The following KCNB2 variants were observed in gnomAD, a reference collection of about 807,000 sequenced individuals.
The protein encoded by KCNB2 is delayed rectifier potassium channel protein.
Under a neutral mutation model 61.5 loss-of-function variants are expected in KCNB2, and 15 were observed. The observed-to-expected ratio is 0.24, with a 90% CI of 0.16 to 0.38. The LOEUF is 0.38. Ranked by LOEUF, KCNB2 falls within the 10% of genes least tolerant of loss-of-function variation. KCNB2 has a pLI of 1.00. For synonymous variants in KCNB2, 457 were observed against 446.0 expected (o/e 1.02, Z -0.31); for missense variants, 828 against 1,125.2 (o/e 0.74, Z 3.78).
intron 2 of KCNB2, among the ~76,000 whole-genome samples, chr8:72,906,493 A>T (rs1184835267): frequency 6.6e-6 from 1 of 152,238 alleles, no homozygotes; most frequent in Non-Finnish European, 1.5e-5. Flanking sequence ...TGGTTTAAAA[A>T]TAGTTTAAAA....
intron 2 of KCNB2, among the ~76,000 whole-genome samples, chr8:72,884,460 G>C (rs1805770338): frequency 6.6e-6 from 1 of 152,052 alleles, no homozygotes; most frequent in African/African-American, 2.4e-5. Flanking sequence ...GATTTTAATG[G>C]AGTCCAGTTT....
intron 2 of KCNB2, among the ~76,000 whole-genome samples, chr8:72,627,096 T>C (rs150097949): frequency 9.1e-4 from 138 of 152,340 alleles, no homozygotes; most frequent in Admixed American, 7.9e-3. Flanking sequence ...TAAAAGCTCA[T>C]GCCAAATTTC....
intron 2 of KCNB2, among the ~76,000 whole-genome samples, chr8:72,764,171 G>A (rs780160312): frequency 4.6e-5 from 7 of 152,188 alleles, no homozygotes; most frequent in African/African-American, 1.7e-4. Flanking sequence ...TGCCCTGAGA[G>A]TTGGCAGAGC....
At chr8:72,568,837 T>TA (rs906733851) in intron 2 of KCNB2, among the ~76,000 whole-genome samples, 7 of 151,848 alleles carry the variant, frequency 4.6e-5, no homozygotes, top group African/African-American at 1.7e-4. Context: ...TTAAGCTGTG[T>TA]AAAAAATGAG....
At chr8:72,705,634 C>G (rs1253601846) in intron 2 of KCNB2, among the ~76,000 whole-genome samples, 1 of 152,304 alleles carries the variant, frequency 6.6e-6, no homozygotes, top group African/African-American at 2.4e-5. Flanking sequence ...GGTAGGGTAG[C>G]TCAGTAGACA....
chr8:72,749,949 T>C (rs1808160144), intron 2 of KCNB2, among the ~76,000 whole-genome samples: 1 of 150,566 alleles, frequency 6.6e-6, no homozygotes, highest in Non-Finnish European at 1.5e-5. Flanking sequence ...AGAATATTAG[T>C]AATATCTATG....
chr8:72,649,227 A>G (rs1382138950), intron 2 of KCNB2, among the ~76,000 whole-genome samples: 1 of 152,046 alleles, frequency 6.6e-6, no homozygotes, highest in African/African-American at 2.4e-5. Flanking sequence ...ATTTATGGAT[A>G]TTGGTTTCTG....
At chr8:72,703,768 G>C (rs916854415) in intron 2 of KCNB2, among the ~76,000 whole-genome samples, 1 of 152,174 alleles carries the variant, frequency 6.6e-6, no homozygotes, top group Admixed American at 6.5e-5. Flanking sequence ...AACCATGGGA[G>C]TAGCTCTGGG....
chr8:72,640,167 C>T (rs1245300515), intron 2 of KCNB2, among the ~76,000 whole-genome samples: 1 of 152,022 alleles, frequency 6.6e-6, no homozygotes, highest in African/African-American at 2.4e-5. Context: ...GTTTAGTGGA[C>T]AGTGACTATT....
intron 2 of KCNB2, among the ~76,000 whole-genome samples, chr8:72,755,252 T>C (rs940374616): frequency 3.9e-5 from 6 of 152,194 alleles, no homozygotes; most frequent in Non-Finnish European, 8.8e-5. Flanking sequence ...CTAAAGGTAC[T>C]GTGGTATCCT....
chr8:72,818,638 A>C (rs1338062489), intron 2 of KCNB2, among the ~76,000 whole-genome samples: 1 of 152,200 alleles, frequency 6.6e-6, no homozygotes, highest in Admixed American at 6.5e-5. Context: ...TTATGATGCT[A>C]GTTAAGAGAC....
intron 2 of KCNB2, among the ~76,000 whole-genome samples, chr8:72,604,243 A>C (rs1303410744): frequency 6.6e-6 from 1 of 152,244 alleles, no homozygotes; most frequent in Non-Finnish European, 1.5e-5. Flanking sequence ...GTAACTACTT[A>C]GAACACAACC....
intron 2 of KCNB2, among the ~76,000 whole-genome samples, chr8:72,895,321 C>T (rs1453578468): frequency 5.9e-5 from 9 of 152,084 alleles, no homozygotes; most frequent in Non-Finnish European, 7.4e-5. Context: ...GAGAGAGAGT[C>T]AGCAGACAGC....
intron 2 of KCNB2, among the ~76,000 whole-genome samples, chr8:72,686,993 GA>G (rs1211729769): frequency 1.8e-4 from 28 of 152,172 alleles, no homozygotes; most frequent in African/African-American, 6.8e-4. Flanking sequence ...TGATTCACAG[GA>G]GAGCTCACCT....
At chr8:72,750,386 G>A (rs924027115) in intron 2 of KCNB2, 1 of 152,056 alleles carries the variant, frequency 6.6e-6, no homozygotes, top group African/African-American at 2.4e-5. Flanking sequence ...TGGGTTATGG[G>A]TTATGCTTAT....
Position 72,561,701 on chromosome 8 carries a change from A to ATATG in KCNB2, c.-93-5938_-93-5937insGTAT, listed in dbSNP as rs1368807241. On this transcript the variant is annotated intron_variant, in intron 1 of 2. Transcript: ENST00000523207. Reference sequence around the variant, plus strand: ...TCCAGGATCTTACTTTTATATATATATATATATATATATATATATATATAT... The same window carrying ATATG: ...TCCAGGATCTTACTTTTATATATATATATGTATATATATATATATATATATATAT... Among the ~76,000 whole-genome samples, 12 of 19,622 alleles carry ATATG rather than the reference A, an allele frequency of 6.1e-4. No individual in the cohort carries two copies. The East Asian group carries it at 0.013, about 22-fold the overall frequency. The allele number at this position is 19,622 out of a possible 152,430, so 12.9% of individuals were successfully genotyped here. A position where few individuals can be genotyped will look rare whatever the true frequency, so the allele number is the denominator to read the frequency against.
At chr8:72,801,149 C>T (rs1181166860) in intron 2 of KCNB2, among the ~76,000 whole-genome samples, 1 of 152,148 alleles carries the variant, frequency 6.6e-6, no homozygotes, top group Non-Finnish European at 1.5e-5. Context: ...GGGGGCAACA[C>T]TAAGTTTTAC....
intron 2 of KCNB2, among the ~76,000 whole-genome samples, chr8:72,608,331 G>T (rs1805485739): frequency 6.6e-6 from 1 of 152,136 alleles, no homozygotes; most frequent in Non-Finnish European, 1.5e-5. Flanking sequence ...GGCAGGACTT[G>T]TTCTGACTGC....
chr8:72,653,551 G>A (rs1392618636), intron 2 of KCNB2, among the ~76,000 whole-genome samples: 1 of 151,936 alleles, frequency 6.6e-6, no homozygotes, highest in African/African-American at 2.4e-5. Flanking sequence ...GCTCCATGAG[G>A]TCAGGAACTT....
Sources: gnomAD v4.1 joint callset for allele counts (sites outside exome capture counted in the v4.1 genomes callset) on GRCh38, gnomAD v4.1.1 for gene constraint, MANE v1.5 for transcripts, NCBI Gene and HGNC (gene_info 2026-07-23, HGNC 2026-07-21) for gene names.